STAG1: variants seen among roughly 807,000 people sequenced by gnomAD.
STAG1 encodes the protein cohesin subunit SA-1.
A neutral mutation model predicts 170.9 loss-of-function variants in STAG1; 26 were observed. The ratio of observed to expected loss-of-function variants is 0.15; its 90% CI spans 0.11 to 0.21. The LOEUF is 0.21. STAG1 is among the 10% of genes least tolerant of loss of function. The pLI is 1.00. For missense variants in STAG1, 964 were observed against 1,509.5 expected (o/e 0.64, Z 5.99); for synonymous variants, 514 against 497.7 (o/e 1.03, Z -0.44).
chr3:136,743,471 G>C (rs1934782926), intron 1 of STAG1, among the ~76,000 whole-genome samples: 1 of 151,776 alleles, frequency 6.6e-6, no homozygotes, highest in Non-Finnish European at 1.5e-5. Context: ...ACAAACTCCT[G>C]CCAATCAATT....
rs1273082729 is a variant in STAG1 at position 136,714,922 on chromosome 3, AC to A, written c.-84+37272del. Among the ~76,000 whole-genome samples the A allele has an allele frequency of 6.1e-5, 7 of 115,004 alleles. No homozygotes were observed. In the East Asian group the frequency reaches 6.9e-4, roughly 11 times the overall value. 75.4% of individuals were successfully genotyped at this position (115,004 alleles called of 152,430 possible). Reference sequence around the variant, plus strand: ...AGCCCCATCTCAAAAAAAAAAAAAAACAAATATATATATTAAATATATATAT... The same window carrying A: ...AGCCCCATCTCAAAAAAAAAAAAAAAAAATATATATATTAAATATATATAT... On this transcript the variant is annotated intron_variant, in intron 1 of 33. Coordinates refer to ENST00000383202, the MANE Select transcript of STAG1 (RefSeq NM_005862.3).
At chr3:136,349,047 A>G in intron 29 of STAG1, 111 bp downstream of exon 29, 1 of 826,792 alleles carries the variant, frequency 1.2e-6, no homozygotes, top group Non-Finnish European at 2.0e-6. Context: ...TGAATAAAAT[A>G]TACAAGAAAA....
At chr3:136,512,747 A>AC (rs999208690) in intron 7 of STAG1, among the ~76,000 whole-genome samples, 5 of 151,838 alleles carry the variant, frequency 3.3e-5, no homozygotes, top group East Asian at 3.9e-4. Context: ...AAAAAAAAAA[A>AC]AACTAACTGA....
At chr3:136,672,616 T>G (rs1001443407) in intron 1 of STAG1, among the ~76,000 whole-genome samples, 4 of 152,112 alleles carry the variant, frequency 2.6e-5, no homozygotes, top group African/African-American at 9.7e-5. Flanking sequence ...TAAAAAAGCT[T>G]GTCATCACAG....
At chr3:136,411,325 A>G (rs1169391628) in intron 21 of STAG1, among the ~76,000 whole-genome samples, 1 of 152,120 alleles carries the variant, frequency 6.6e-6, no homozygotes, top group Non-Finnish European at 1.5e-5. Flanking sequence ...CATGAAAAAA[A>G]TAAAAAATAA....
chr3:136,672,487 T>C (rs1265412121), intron 1 of STAG1, among the ~76,000 whole-genome samples: 2 of 152,232 alleles, frequency 1.3e-5, no homozygotes, highest in Admixed American at 1.3e-4. Context: ...TAGGAGTATA[T>C]ATGTAGTTTA....
chr3:136,577,713 T>A (rs987624125), intron 4 of STAG1, among the ~76,000 whole-genome samples: 10 of 152,048 alleles, frequency 6.6e-5, no homozygotes, highest in African/African-American at 2.4e-4. Context: ...AGAACACAAA[T>A]ACACACTATA....
intron 1 of STAG1, among the ~76,000 whole-genome samples, chr3:136,738,940 TAA>T (rs914125736): frequency 6.6e-6 from 1 of 151,346 alleles, no homozygotes; most frequent in African/African-American, 2.4e-5. Context: ...TTTCTAAAAA[TAA>T]AAAAAAGACT....
chr3:136,677,923 C>T (rs1364721264), intron 1 of STAG1, among the ~76,000 whole-genome samples: 1 of 146,246 alleles, frequency 6.8e-6, no homozygotes, highest in Non-Finnish European at 1.5e-5. Context: ...ATATTTAGTA[C>T]TTTGATATAT....
chr3:136,661,857 C>T (rs1941592693), intron 1 of STAG1, among the ~76,000 whole-genome samples: 1 of 152,194 alleles, frequency 6.6e-6, no homozygotes, highest in South Asian at 2.1e-4. Flanking sequence ...GTATTATCAT[C>T]CCCATTTTAC....
At chr3:136,429,568 G>A (rs1448176940) in intron 16 of STAG1, among the ~76,000 whole-genome samples, 3 of 152,204 alleles carry the variant, frequency 2.0e-5, no homozygotes, top group African/African-American at 7.2e-5. Context: ...ATTTAAGACT[G>A]CTTTTGCTTC....
rs1176752750 is a variant in STAG1, at chr3:136,341,438, T to G, written c.3557+3A>C. ...TTCTTGTGATACTCCATGTAACACTTACACAGCATGCCTCACTCCAGTTCT... is the reference window on the plus strand; with the variant it reads ...TTCTTGTGATACTCCATGTAACACTGACACAGCATGCCTCACTCCAGTTCT... On this transcript the variant is annotated splice_donor_region_variant and intron_variant, in intron 31 of 33. Coordinates refer to ENST00000383202, the MANE Select transcript of STAG1 (RefSeq NM_005862.3). 6.3e-7 allele frequency: 1 copy of G among 1,588,864 alleles called. No individual in the cohort carries two copies. Among genetic ancestry groups the G allele is most frequent in the Admixed American group, 1.7e-5 (1 of 59,770 alleles).
intron 1 of STAG1, among the ~76,000 whole-genome samples, chr3:136,661,662 GC>G (rs1941584231): frequency 6.6e-6 from 1 of 152,076 alleles, no homozygotes; most frequent in African/African-American, 2.4e-5. Context: ...TGGTCCCCAA[GC>G]ATTTTACATA....
chr3:136,428,834 T>TA (rs2107739507), intron 16 of STAG1, among the ~76,000 whole-genome samples: 1 of 152,192 alleles, frequency 6.6e-6, no homozygotes, highest in South Asian at 2.1e-4. Flanking sequence ...TTAGAGAAAT[T>TA]AGAGAGCAAA....
In STAG1 at chr3:136,683,569, C is replaced by T. The variant is rs981513829; in HGVS notation, c.-83-52588G>A. On this transcript the variant is annotated intron_variant, in intron 1 of 33. Transcript: ENST00000383202. ...ACGAGCCACAGTGCCCAGCCTTCAA[C>T]GTGATTTTTTTTTTTAAACTACAGA... Among the ~76,000 whole-genome samples, 4 of 151,902 alleles carry T rather than the reference C, an allele frequency of 2.6e-5. No individual in the cohort carries two copies. The East Asian group carries it at 5.8e-4, about 22-fold the overall frequency.
chr3:136,415,037 C>T (rs1039489484), intron 21 of STAG1, among the ~76,000 whole-genome samples: 1 of 152,086 alleles, frequency 6.6e-6, no homozygotes, highest in African/African-American at 2.4e-5. Flanking sequence ...TACAATAGAA[C>T]ATCAAAGATT....
intron 1 of STAG1, among the ~76,000 whole-genome samples, chr3:136,715,779 A>C (rs572512801): frequency 6.6e-6 from 1 of 150,720 alleles, no homozygotes; most frequent in Non-Finnish European, 1.5e-5. Context: ...TTTTTTTTTT[A>C]AAGTATGTAT....
chr3:136,656,185 A>T (rs929327661), intron 1 of STAG1, among the ~76,000 whole-genome samples: 16 of 152,208 alleles, frequency 1.1e-4, no homozygotes, highest in Admixed American at 7.2e-4. Flanking sequence ...AACACCAAAT[A>T]CTGTATGATT....
chr3:136,416,851 T>C, intron 21 of STAG1, among the ~76,000 whole-genome samples: 1 of 150,082 alleles, frequency 6.7e-6, no homozygotes, highest in Non-Finnish European at 1.5e-5. Context: ...TAACTTTTTT[T>C]TTTTTTTTTT....
Sources: allele counts gnomAD v4.1 joint callset (sites outside exome capture counted in the v4.1 genomes callset), GRCh38; gene constraint gnomAD v4.1.1; transcripts MANE v1.5; gene names NCBI Gene and HGNC (gene_info 2026-07-23, HGNC 2026-07-21).